SENP6: variants seen among roughly 807,000 people sequenced by gnomAD.
SENP6 encodes the protein sentrin-specific protease 6.
In SENP6, 41 loss-of-function variants were observed where a neutral mutation model predicts 134.5. That is an observed-to-expected ratio of 0.30 (90% CI 0.24 to 0.40). The LOEUF (loss-of-function observed/expected upper bound fraction) is 0.40, where lower values mean the gene tolerates loss of function less well. Among genes scored for constraint, SENP6 ranks in the 10% least tolerant of loss-of-function variants. SENP6 has a pLI of 1.00. For missense variants in SENP6, 1,248 were observed against 1,312.5 expected (o/e 0.95, Z 0.76); for synonymous variants, 395 against 429.8 (o/e 0.92, Z 1.00).
chr6:75,669,472 A>G (rs956113637), intron 10 of SENP6, among the ~76,000 whole-genome samples: 9 of 152,022 alleles, frequency 5.9e-5, no homozygotes, highest in Non-Finnish European at 1.5e-5. Flanking sequence ...TTCCTGTGAC[A>G]TAGATGGTAG....
chr6:75,634,499 T>C (rs1281685526), intron 4 of SENP6, among the ~76,000 whole-genome samples: 1 of 152,084 alleles, frequency 6.6e-6, no homozygotes, highest in Non-Finnish European at 1.5e-5. Flanking sequence ...CTGCTATTTT[T>C]AAATTTTTCT....
At chr6:75,638,614 ATATATATATTTTTTTTTTT>A (rs1415089096) in intron 5 of SENP6, among the ~76,000 whole-genome samples, 10 of 35,876 alleles carry the variant, frequency 2.8e-4, no homozygotes, top group South Asian at 1.4e-3. Flanking sequence ...ATATATATAT[ATATATATATTTTTTTTTTT>A]TTTTTTTTTT....
Position 75,713,543 on chromosome 6 carries a change from A to T in SENP6, c.2940A>T (p.Arg980=). The T allele has an allele frequency of 6.2e-7, 1 of 1,613,852 alleles. No homozygotes were observed. Among genetic ancestry groups the T allele is most frequent in the Non-Finnish European group, 8.5e-7 (1 of 1,179,844 alleles). ...GTATCCTACTTATGGACTCACTCCG[A>T]GGCCCTTCTCGGTCAAATGTTGTCA... The part of the protein sequence containing the change: ...QPCILLMDSL[R]GPSRSNVVKI... Residue 980 remains arginine (R), a synonymous_variant, in exon 22 of 24, where the codon CGA becomes CGT. Transcript: ENST00000447266.
chr6:75,630,426 C>T (rs1198414630), intron 3 of SENP6, among the ~76,000 whole-genome samples: 3 of 152,152 alleles, frequency 2.0e-5, no homozygotes, highest in Non-Finnish European at 2.9e-5. Flanking sequence ...CACAAAACAC[C>T]TTTAAATAAT....
At chr6:75,673,952 T>G (rs571702949) in intron 11 of SENP6, among the ~76,000 whole-genome samples, 27 of 151,576 alleles carry the variant, frequency 1.8e-4, no homozygotes, top group African/African-American at 6.3e-4. Context: ...ACCCGGGAGG[T>G]GGAGGTTGCA....
chr6:75,674,120 A>G (rs1025688054), intron 11 of SENP6, among the ~76,000 whole-genome samples: 2 of 145,886 alleles, frequency 1.4e-5, no homozygotes, highest in African/African-American at 5.1e-5. Flanking sequence ...ACATCCACGT[A>G]TGCTAGAATG....
In SENP6 at chr6:75,702,855, C is replaced by T; in HGVS notation, c.2499C>T (p.Cys833=). The change falls in exon 19 of 24, where the codon TGC becomes TGT. Residue 833 remains cysteine, a synonymous_variant. Coordinates refer to ENST00000447266, the MANE Select transcript of SENP6 (RefSeq NM_015571.4). The part of the protein sequence containing the change: ...VIKKMLNKKH[C]IAVIDSNPGQ... ...AGAAGATGCTAAACAAAAAACATTGCATAGCTGTAATTGATTCCAATCCTG... is the reference window on the plus strand; with the variant it reads ...AGAAGATGCTAAACAAAAAACATTGTATAGCTGTAATTGATTCCAATCCTG... 3 of 1,614,040 alleles carry T rather than the reference C, an allele frequency of 1.9e-6. No individual in the cohort carries two copies. The highest frequency in any genetic ancestry group is 2.5e-6 in the Non-Finnish European group (3 of 1,179,930).
intron 10 of SENP6, 62 bp from the exon 11 acceptor site, chr6:75,670,491 A>G: frequency 1.6e-6 from 2 of 1,251,764 alleles, no homozygotes; most frequent in South Asian, 1.4e-5. Context: ...GCATATGTTT[A>G]TACTTAGCTT....
At chr6:75,626,504 G>C (rs1161696846) in intron 3 of SENP6, among the ~76,000 whole-genome samples, 1 of 151,970 alleles carries the variant, frequency 6.6e-6, no homozygotes, top group Non-Finnish European at 1.5e-5. Flanking sequence ...TACTTCATTG[G>C]ATGGATATAC....
chr6:75,624,674 TTGTC>T (rs1443004120), intron 3 of SENP6, among the ~76,000 whole-genome samples: 3 of 152,218 alleles, frequency 2.0e-5, no homozygotes, highest in Non-Finnish European at 4.4e-5. Context: ...TTTAGAATAA[TTGTC>T]AGTTAATATC....
At chr6:75,678,559 T>G in intron 14 of SENP6, 24 bp from the exon 15 acceptor site, 2 of 1,122,772 alleles carry the variant, frequency 1.8e-6, no homozygotes, top group Non-Finnish European at 2.7e-6. Context: ...GACTGTAAAT[T>G]GCTAATTTAA....
chr6:75,691,481 T>C (rs1774246005), intron 16 of SENP6, among the ~76,000 whole-genome samples: 1 of 152,260 alleles, frequency 6.6e-6, no homozygotes, highest in South Asian at 2.1e-4. Context: ...CTAAACAGCT[T>C]CACCAGCATT....
At chr6:75,698,863 T>C (rs903434397) in intron 18 of SENP6, among the ~76,000 whole-genome samples, 7 of 151,746 alleles carry the variant, frequency 4.6e-5, no homozygotes, top group African/African-American at 1.7e-4. Context: ...ATACAAAAAT[T>C]AGCTGGGCGT....
chr6:75,658,955 G>T (rs1771549495), intron 7 of SENP6, among the ~76,000 whole-genome samples: 1 of 102,422 alleles, frequency 9.8e-6, no homozygotes, highest in Non-Finnish European at 1.7e-5. Flanking sequence ...CTAGGTGACA[G>T]AATGAGACCT....
At chr6:75,605,234 A>G (rs552670928) in intron 1 of SENP6, among the ~76,000 whole-genome samples, 2 of 152,330 alleles carry the variant, frequency 1.3e-5, no homozygotes, top group East Asian at 3.9e-4. Flanking sequence ...TGAAAAACTA[A>G]ACTAGGTTTT....
At chr6:75,672,571 G>A (rs567208448) in intron 11 of SENP6, among the ~76,000 whole-genome samples, 2 of 152,166 alleles carry the variant, frequency 1.3e-5, no homozygotes, top group Non-Finnish European at 2.9e-5. Context: ...ATTCTTCATT[G>A]AAGAATAATT....
chr6:75,620,518 C>CTCTTTGAT (rs1768187973), intron 1 of SENP6: 1 of 152,120 alleles, frequency 6.6e-6, no homozygotes, highest in African/African-American at 2.4e-5. Flanking sequence ...ATAAGGGCAC[C>CTCTTTGAT]AATCCCATTC....
intron 1 of SENP6, among the ~76,000 whole-genome samples, chr6:75,609,734 A>T (rs1008122160): frequency 2.0e-5 from 3 of 152,214 alleles, no homozygotes; most frequent in Non-Finnish European, 4.4e-5. Context: ...TCAAAGATAT[A>T]AATAGCATAG....
At chr6:75,632,041 A>G (rs964271958) in intron 3 of SENP6, among the ~76,000 whole-genome samples, 5 of 152,178 alleles carry the variant, frequency 3.3e-5, no homozygotes, top group African/African-American at 1.2e-4. Context: ...AACACTCTGG[A>G]CAGTAATACC....
Sources: gnomAD v4.1 joint callset for allele counts (sites outside exome capture counted in the v4.1 genomes callset) on GRCh38, gnomAD v4.1.1 for gene constraint, MANE v1.5 for transcripts, NCBI Gene and HGNC (gene_info 2026-07-23, HGNC 2026-07-21) for gene names.